CCSER1: variants seen among roughly 807,000 people sequenced by gnomAD.
The protein encoded by CCSER1 is coiled-coil serine rich protein 1.
Under a neutral mutation model 82.0 loss-of-function variants are expected in CCSER1, and 41 were observed. The ratio of observed to expected loss-of-function variants is 0.50; its 90% CI spans 0.39 to 0.65. The LOEUF (loss-of-function observed/expected upper bound fraction) is 0.65. CCSER1 is among the 30% of genes least tolerant of loss of function. The pLI, the probability that CCSER1 is intolerant of heterozygous loss-of-function variation, is 0.00. For missense variants in CCSER1, 1,119 were observed against 1,064.2 expected, an observed-to-expected ratio of 1.05 and a Z score of -0.72; for synonymous variants, 414 against 383.9, an observed-to-expected ratio of 1.08 and a Z score of -0.92.
At chr4:90,537,262 T>C (rs1328583953) in intron 5 of CCSER1, among the ~76,000 whole-genome samples, 1 of 152,118 alleles carries the variant, frequency 6.6e-6, no homozygotes, top group East Asian at 1.9e-4. Context: ...TAAATACTAG[T>C]TCTTTTTGCC....
intron 10 of CCSER1, among the ~76,000 whole-genome samples, chr4:91,474,802 TATATATATATACACAC>T (rs1560700674): frequency 2.1e-5 from 2 of 94,276 alleles, no homozygotes; most frequent in Non-Finnish European, 2.1e-5. Flanking sequence ...TATATATATA[TATATATATATACACAC>T]ACACACACAC....
intron 6 of CCSER1, among the ~76,000 whole-genome samples, chr4:90,640,347 T>C (rs907554501): frequency 6.6e-6 from 1 of 152,128 alleles, no homozygotes; most frequent in Non-Finnish European, 1.5e-5. Context: ...GTTTTAAAAA[T>C]AGCTTTTAAA....
At chr4:91,559,429 T>G (rs1403977639) in intron 10 of CCSER1, among the ~76,000 whole-genome samples, 1 of 151,538 alleles carries the variant, frequency 6.6e-6, no homozygotes, top group Non-Finnish European at 1.5e-5. Flanking sequence ...TCTGCAAGGT[T>G]ATTCTATTAA....
At chr4:90,279,098 T>G (rs1468912950) in intron 1 of CCSER1, among the ~76,000 whole-genome samples, 1 of 152,098 alleles carries the variant, frequency 6.6e-6, no homozygotes, top group East Asian at 1.9e-4. Context: ...ATAGACATCA[T>G]AAATATTTTC....
intron 3 of CCSER1, among the ~76,000 whole-genome samples, chr4:90,395,895 C>T (rs1027618920): frequency 6.6e-6 from 1 of 150,840 alleles, no homozygotes; most frequent in African/African-American, 2.5e-5. Flanking sequence ...CATGGTGAAA[C>T]CCCGTCTCTA....
At chr4:90,843,499 T>A (rs1388614153) in intron 8 of CCSER1, among the ~76,000 whole-genome samples, 2 of 152,234 alleles carry the variant, frequency 1.3e-5, no homozygotes, top group Non-Finnish European at 2.9e-5. Context: ...TGATTTAAAA[T>A]TTTTAAGATT....
chr4:90,969,208 G>T (rs1379924309), intron 9 of CCSER1, among the ~76,000 whole-genome samples: 1 of 151,848 alleles, frequency 6.6e-6, no homozygotes, highest in Non-Finnish European at 1.5e-5. Context: ...AGTGTCTGAA[G>T]ATAACAAAAG....
At chr4:90,821,511 G>A (rs919644060) in intron 8 of CCSER1, among the ~76,000 whole-genome samples, 56 of 152,044 alleles carry the variant, frequency 3.7e-4, no homozygotes, top group African/African-American at 1.4e-3. Flanking sequence ...GAATATATTG[G>A]ACTTTTTGAA....
In CCSER1 at chr4:90,824,416, T is replaced by A. The variant is rs1290609968; in HGVS notation, c.2094+8571T>A. On this transcript the variant is annotated intron_variant, in intron 8 of 10. Coordinates refer to ENST00000509176, the MANE Select transcript of CCSER1 (RefSeq NM_001145065.2). ...AGGCAGTTGAAAAACTGAAAGTGTATCATTATGTGTAATCAGGTTACTATG... is the reference window on the plus strand; with the variant it reads ...AGGCAGTTGAAAAACTGAAAGTGTAACATTATGTGTAATCAGGTTACTATG... 2.0e-5 allele frequency among the ~76,000 whole-genome samples: 3 copies of A among 152,070 alleles called. No individual in the cohort carries two copies. The East Asian group carries it at 5.8e-4, about 29-fold the overall frequency.
intron 7 of CCSER1, among the ~76,000 whole-genome samples, chr4:90,761,919 C>T (rs1165337696): frequency 6.6e-6 from 1 of 151,858 alleles, no homozygotes; most frequent in East Asian, 1.9e-4. Context: ...CTTAAGGAGG[C>T]TGACAAATTA....
chr4:91,065,183 T>G (rs1720679634), intron 9 of CCSER1, among the ~76,000 whole-genome samples: 1 of 152,142 alleles, frequency 6.6e-6, no homozygotes, highest in South Asian at 2.1e-4. Flanking sequence ...ATGTGAGTTC[T>G]TTTTAGGAAG....
intron 8 of CCSER1, among the ~76,000 whole-genome samples, chr4:90,874,978 G>A (rs896839583): frequency 3.3e-5 from 5 of 152,164 alleles, no homozygotes; most frequent in Admixed American, 1.3e-4. Context: ...TCTGGGAGGC[G>A]GAGGTTGCAG....
chr4:91,347,585 G>C (rs1162157409), intron 10 of CCSER1, among the ~76,000 whole-genome samples: 2 of 151,828 alleles, frequency 1.3e-5, no homozygotes, highest in Non-Finnish European at 2.9e-5. Context: ...ACAATGTTAA[G>C]TATTCTTATA....
chr4:91,298,748 A>C (rs1452120059), intron 10 of CCSER1, among the ~76,000 whole-genome samples: 1 of 152,054 alleles, frequency 6.6e-6, no homozygotes, highest in Non-Finnish European at 1.5e-5. Flanking sequence ...TACAATATGT[A>C]GTCCTAATAT....
At chr4:90,921,788 G>C (rs1002849097) in intron 8 of CCSER1, among the ~76,000 whole-genome samples, 4 of 151,914 alleles carry the variant, frequency 2.6e-5, no homozygotes, top group Non-Finnish European at 4.4e-5. Context: ...TTACCGATTT[G>C]CAACAAAATT....
chr4:90,397,297 A>G (rs1752096272), intron 3 of CCSER1, among the ~76,000 whole-genome samples: 1 of 152,212 alleles, frequency 6.6e-6, no homozygotes, highest in Non-Finnish European at 1.5e-5. Flanking sequence ...TTCCAAATTT[A>G]GTTTGTTCAC....
intron 5 of CCSER1, among the ~76,000 whole-genome samples, chr4:90,519,591 T>A (rs1039617996): frequency 2.8e-4 from 43 of 152,094 alleles, no homozygotes; most frequent in African/African-American, 9.6e-4. Context: ...TATTACAATT[T>A]TTTTATTTCT....
At chr4:90,844,304 C>T (rs1378330844) in intron 8 of CCSER1, among the ~76,000 whole-genome samples, 2 of 152,072 alleles carry the variant, frequency 1.3e-5, no homozygotes, top group African/African-American at 4.8e-5. Context: ...ACTTGCTTTA[C>T]TGTGCATGTT....
intron 10 of CCSER1, among the ~76,000 whole-genome samples, chr4:91,277,224 T>C (rs1380646043): frequency 6.6e-6 from 1 of 152,096 alleles, no homozygotes; most frequent in East Asian, 1.9e-4. Context: ...GAAGAATTGG[T>C]ATAAGTTCTT....
Sources: gnomAD v4.1 joint callset for allele counts (sites outside exome capture counted in the v4.1 genomes callset) on GRCh38, gnomAD v4.1.1 for gene constraint, MANE v1.5 for transcripts, NCBI Gene and HGNC (gene_info 2026-07-23, HGNC 2026-07-21) for gene names.